LIMCH1: variants seen among roughly 807,000 people sequenced by gnomAD.
The protein encoded by LIMCH1 is LIM and calponin homology domains-containing protein 1.
In LIMCH1, 113 loss-of-function variants were observed where a neutral mutation model predicts 176.5. The ratio of observed to expected loss-of-function variants is 0.64; its 90% CI spans 0.55 to 0.75. The LOEUF (loss-of-function observed/expected upper bound fraction) is 0.75, where lower values mean the gene tolerates loss of function less well. Ranked by LOEUF, LIMCH1 falls within the 30% of genes least tolerant of loss-of-function variation. The pLI, the probability that LIMCH1 is intolerant of heterozygous loss-of-function variation, is 0.00. For synonymous variants in LIMCH1, 619 were observed against 645.9 expected (o/e 0.96, Z 0.63); for missense variants, 1,674 against 1,814.9 (o/e 0.92, Z 1.41).
At chr4:41,482,953 G>A (rs2068894821) in intron 1 of LIMCH1, among the ~76,000 whole-genome samples, 1 of 152,192 alleles carries the variant, frequency 6.6e-6, no homozygotes, top group African/African-American at 2.4e-5. Context: ...ACAGCTTGCA[G>A]ATGGCTGAGC....
At chr4:41,646,325 G>C in intron 16 of LIMCH1, 45 bp downstream of exon 16, 1 of 1,543,920 alleles carries the variant, frequency 6.5e-7, no homozygotes. Context: ...TATTATCTAG[G>C]TGTTTTTTTT....
chr4:41,602,381 A>G (rs1317292402), intron 2 of LIMCH1, among the ~76,000 whole-genome samples: 2 of 152,192 alleles, frequency 1.3e-5, no homozygotes, highest in Non-Finnish European at 2.9e-5. Flanking sequence ...GAGTCATTCA[A>G]CAAATATTTT....
intron 1 of LIMCH1, among the ~76,000 whole-genome samples, chr4:41,372,859 G>A (rs770794002): frequency 6.6e-6 from 1 of 152,184 alleles, no homozygotes; most frequent in Non-Finnish European, 1.5e-5. Context: ...TGAGACTTGA[G>A]GGTTGGCAAT....
chr4:41,599,293 T>G (rs2089503773), intron 2 of LIMCH1, among the ~76,000 whole-genome samples: 1 of 152,174 alleles, frequency 6.6e-6, no homozygotes, highest in Non-Finnish European at 1.5e-5. Flanking sequence ...AAGTAAAGAT[T>G]AACAGAGAGG....
At chr4:41,495,447 G>A (rs559649293) in intron 2 of LIMCH1, among the ~76,000 whole-genome samples, 38 of 152,218 alleles carry the variant, frequency 2.5e-4, no homozygotes, top group Non-Finnish European at 5.0e-4. Flanking sequence ...CAAGCCCCTG[G>A]AGACAAGCAC....
At chr4:41,585,362 T>C (rs901803707) in intron 1 of LIMCH1, among the ~76,000 whole-genome samples, 1 of 152,224 alleles carries the variant, frequency 6.6e-6, no homozygotes, top group Non-Finnish European at 1.5e-5. Context: ...TTTATTTACA[T>C]TGTAGCATAT....
Position 41,684,471 on chromosome 4 carries a change from C to T in LIMCH1, c.3920C>T (p.Thr1307Ile). ...KGVHEDHQLD[T>I]EAGAPHCGTN... ...GTCCATGAAGACCATCAGCTGGATA[C>T]CGAGGCTGGGGCCCCACACTGTGGA... Residue 1307 changes from threonine to isoleucine, a missense_variant, in exon 27 of 32, where the codon ACC becomes ATC. Transcript: ENST00000503057. The T allele has an allele frequency of 6.2e-7, 1 of 1,613,714 alleles. No homozygotes were observed. Among genetic ancestry groups the T allele is most frequent in the Non-Finnish European group, 8.5e-7 (1 of 1,179,802 alleles).
At chr4:41,634,460 A>G (rs1172166105) in intron 13 of LIMCH1, among the ~76,000 whole-genome samples, 1 of 152,212 alleles carries the variant, frequency 6.6e-6, no homozygotes, top group Non-Finnish European at 1.5e-5. Context: ...AATAGGAAGC[A>G]ATGGAGTTCT....
intron 17 of LIMCH1, among the ~76,000 whole-genome samples, chr4:41,648,384 G>T (rs561928209): frequency 1.3e-5 from 2 of 152,308 alleles, no homozygotes; most frequent in Admixed American, 6.5e-5. Flanking sequence ...GCAAAGTGGA[G>T]CAAGGTGGTA....
Position 41,502,119 on chromosome 4 carries a change from G to A in LIMCH1, c.167+7513G>A, listed in dbSNP as rs117822500. 8.9e-4 allele frequency among the ~76,000 whole-genome samples: 129 copies of A among 144,348 alleles called. 4 individuals are homozygous for A. The East Asian group carries it at 0.025, about 28-fold the overall frequency. The allele number at this position is 144,348 out of a possible 152,430, so 94.7% of individuals were successfully genotyped here. ...TGTTGTTCCCCCTATTGTCCATGTG[G>A]TCTCATCATTCAGCTCCCCCTTATA... On this transcript the variant is annotated intron_variant, in intron 2 of 26. Coordinates refer to the LIMCH1 transcript ENST00000313860.
chr4:41,598,783 G>C (rs1021445015), intron 1 of LIMCH1, 137 bp from the exon 2 acceptor site: 2 of 460,148 alleles, frequency 4.3e-6, no homozygotes, highest in African/African-American at 4.0e-5. Flanking sequence ...AACAAAGTAT[G>C]ATTTGTTATG....
chr4:41,399,774 T>G (rs775906913), intron 1 of LIMCH1, among the ~76,000 whole-genome samples: 54 of 145,868 alleles, frequency 3.7e-4, no homozygotes, highest in Non-Finnish European at 6.7e-4. Flanking sequence ...CTCTGCCTCC[T>G]GGGTTCAAGT....
At chr4:41,665,529 A>C (rs2094792227) in intron 20 of LIMCH1, among the ~76,000 whole-genome samples, 2 of 152,208 alleles carry the variant, frequency 1.3e-5, no homozygotes, top group South Asian at 4.1e-4. Flanking sequence ...TCTAACATTA[A>C]TTTATTCTGA....
At chr4:41,368,286 A>C (rs1036236680) in intron 1 of LIMCH1, among the ~76,000 whole-genome samples, 9 of 152,224 alleles carry the variant, frequency 5.9e-5, no homozygotes, top group Non-Finnish European at 1.3e-4. Flanking sequence ...GTGCTTTCAA[A>C]AATTATTTCC....
intron 1 of LIMCH1, among the ~76,000 whole-genome samples, chr4:41,361,181 A>C (rs1031210866): frequency 4.6e-5 from 7 of 152,202 alleles, no homozygotes; most frequent in Non-Finnish European, 1.0e-4. Flanking sequence ...GAGGGCAGGA[A>C]GGGATCCCCT....
At chr4:41,530,209 A>C (rs750276674) in intron 3 of LIMCH1, among the ~76,000 whole-genome samples, 2 of 152,206 alleles carry the variant, frequency 1.3e-5, no homozygotes, top group Non-Finnish European at 2.9e-5. Context: ...TTTTGGACAA[A>C]ACTAGACATA....
intron 1 of LIMCH1, among the ~76,000 whole-genome samples, chr4:41,436,261 C>A (rs1209711733): frequency 6.6e-6 from 1 of 152,144 alleles, no homozygotes; most frequent in African/African-American, 2.4e-5. Context: ...ATTCACTGTT[C>A]GCACTTCTCC....
rs528369632 is a variant in LIMCH1, at chr4:41,407,795, G to C, written c.96+46859G>C. Among the ~76,000 whole-genome samples, 253 of 152,246 alleles carry C rather than the reference G, an allele frequency of 1.7e-3. 1 individual carries two copies. Among genetic ancestry groups the C allele is most frequent in the Non-Finnish European group, 3.1e-3 (214 of 68,022 alleles). On this transcript the variant is annotated intron_variant, in intron 1 of 26. Transcript: ENST00000313860. ...AGGGTTGAGCCCCACGTCTAGACTT[G>C]AATACTTGGAACATGTGAGGCCAAC...
intron 2 of LIMCH1, among the ~76,000 whole-genome samples, chr4:41,513,841 C>G (rs1207388797): frequency 2.0e-5 from 3 of 147,802 alleles, no homozygotes; most frequent in Non-Finnish European, 4.6e-5. Context: ...CCCATTTCTA[C>G]TAAAAAATAT....
Sources: allele counts gnomAD v4.1 joint callset (sites outside exome capture counted in the v4.1 genomes callset), GRCh38; gene constraint gnomAD v4.1.1; transcripts MANE v1.5; gene names NCBI Gene and HGNC (gene_info 2026-07-23, HGNC 2026-07-21).